The following STEAP3 variants were observed in gnomAD, a reference collection of about 807,000 sequenced individuals.
The protein encoded by STEAP3 is STEAP3 metalloreductase.
Under a neutral mutation model 34.9 loss-of-function variants are expected in STEAP3, and 35 were observed. The ratio of observed to expected loss-of-function variants is 1.00; its 90% CI spans 0.76 to 1.33. STEAP3 has a LOEUF of 1.33. STEAP3 is among the 40% of genes most tolerant of loss of function. The pLI, the probability that STEAP3 is intolerant of heterozygous loss-of-function variation, is 0.00. For synonymous variants in STEAP3, 281 were observed against 301.6 expected, an observed-to-expected ratio of 0.93 and a Z score of 0.71; for missense variants, 652 against 667.6, an observed-to-expected ratio of 0.98 and a Z score of 0.26.
In STEAP3 at chr2:119,245,518, C is replaced by G. The variant is rs141284145; in HGVS notation, c.52C>G (p.Pro18Ala). The G allele has an allele frequency of 1.3e-6, 2 of 1,591,962 alleles. No homozygotes were observed. Among genetic ancestry groups the G allele is most frequent in the Non-Finnish European group, 1.7e-6 (2 of 1,162,844 alleles). The change falls in exon 3 of 6, where the codon CCA (proline) becomes GCA (alanine). Residue 18 changes from proline to alanine, a missense_variant. By Grantham distance (27) the Pro-to-Ala change is conservative (BLOSUM62 -1). Transcript: ENST00000393110. ...CAAAATGCCAGAAGAGATGGACAAG[C>G]CACTGATCAGCCTCCACCTGGTGGA... ...ATKMPEEMDK[P>A]LISLHLVDSD...
At chr2:119,235,767 A>G (rs1677076200) in intron 2 of STEAP3, among the ~76,000 whole-genome samples, 1 of 152,214 alleles carries the variant, frequency 6.6e-6, no homozygotes, top group African/African-American at 2.4e-5. Flanking sequence ...ATGGAGGCAG[A>G]GGAGCAGTTG....
chr2:119,244,836 G>A (rs929373770), intron 2 of STEAP3: 1 of 152,256 alleles, frequency 6.6e-6, no homozygotes, highest in African/African-American at 2.4e-5. Flanking sequence ...CCATTCACTT[G>A]TCTCTCAGTC....
intron 3 of STEAP3, among the ~76,000 whole-genome samples, chr2:119,247,455 C>A (rs939475595): frequency 6.6e-6 from 1 of 152,204 alleles, no homozygotes; most frequent in Non-Finnish European, 1.5e-5. Context: ...GAGTAGTTGG[C>A]CTGGCTTGGC....
intron 5 of STEAP3, among the ~76,000 whole-genome samples, chr2:119,258,444 C>T (rs968851440): frequency 3.3e-5 from 5 of 152,098 alleles, no homozygotes; most frequent in Non-Finnish European, 7.4e-5. Flanking sequence ...CAGGTGAAGT[C>T]TCTCTGGTTT....
chr2:119,248,040 G>A lies in STEAP3; in HGVS notation c.884G>A (p.Gly295Asp). The change falls in exon 4 of 6, where the codon GGC (glycine) becomes GAC (aspartate). Residue 295 changes from glycine (G) to aspartate (D), a missense_variant. Physicochemically the swap from Gly to Asp is moderately conservative, Grantham distance 94. Coordinates refer to ENST00000393110, the MANE Select transcript of STEAP3 (RefSeq NM_182915.3). ...GCGGCTGCCCTGCAGCTGCGGCGCG[G>A]CACCAAGTACCAGCGCTTCCCCGAC... Reference protein sequence around the residue: ...VLAAALQLRRGTKYQRFPDWL... With the variant: ...VLAAALQLRRDTKYQRFPDWL... The A allele has an allele frequency of 3.1e-6, 5 of 1,609,150 alleles. No individual in the cohort carries two copies. The highest frequency in any genetic ancestry group is 4.2e-6 in the Non-Finnish European group (5 of 1,179,880).
Position 119,264,810 on chromosome 2 carries a change from C to G in STEAP3, c.*1472C>G, listed in dbSNP as rs76738995. The G allele has an allele frequency of 0.081, 10,306 of 128,012 alleles. 433 individuals are homozygous for G. The highest frequency in any genetic ancestry group is 0.22 in the South Asian group (763 of 3,436). The allele number at this position is 128,012 out of a possible 1,614,324, so 7.9% of individuals were successfully genotyped here. On this transcript the variant is annotated 3_prime_UTR_variant, in exon 6 of 6. Coordinates refer to ENST00000393110, the MANE Select transcript of STEAP3 (RefSeq NM_182915.3). ...ACAGATGAGGCTGCCCCTGCCCCCC[C>G]CCCGCCAGGGAGGTTTCATGAGCTC... is the stretch of plus-strand genomic sequence containing the variant.
intron 2 of STEAP3, among the ~76,000 whole-genome samples, chr2:119,240,334 C>T (rs1333898951): frequency 1.3e-5 from 2 of 152,280 alleles, no homozygotes; most frequent in Admixed American, 6.5e-5. Flanking sequence ...GCGTGCGAGG[C>T]ACCCCGTTCT....
chr2:119,257,676 G>A, intron 5 of STEAP3: 2 of 1,420,970 alleles, frequency 1.4e-6, no homozygotes, highest in Non-Finnish European at 9.2e-7. Flanking sequence ...ACAGTGGCAT[G>A]CTGGCTTTTG....
chr2:119,257,399 G>A, intron 5 of STEAP3: 1 of 1,408,900 alleles, frequency 7.1e-7, no homozygotes, highest in Non-Finnish European at 9.3e-7. Flanking sequence ...GCTGAGGGAT[G>A]GCTCTGGCAA....
chr2:119,235,464 A>G (rs1677068217), intron 2 of STEAP3, among the ~76,000 whole-genome samples: 1 of 152,206 alleles, frequency 6.6e-6, no homozygotes, highest in Admixed American at 6.5e-5. Context: ...GTGAGTGGTT[A>G]GTTCATTGAC....
At chr2:119,249,228 T>C (rs1677549265) in intron 4 of STEAP3, among the ~76,000 whole-genome samples, 1 of 152,034 alleles carries the variant, frequency 6.6e-6, no homozygotes, top group Non-Finnish European at 1.5e-5. Flanking sequence ...GGGGCTTGGT[T>C]GCCAGCAGGG....
intron 2 of STEAP3, among the ~76,000 whole-genome samples, chr2:119,232,039 G>C (rs988903868): frequency 6.6e-6 from 1 of 152,198 alleles, no homozygotes; most frequent in Non-Finnish European, 1.5e-5. Context: ...ATAGGGGGCA[G>C]CCCTGGATTT....
At position 119,264,803 on chromosome 2, in the gene STEAP3, GC is replaced by G. The variant is rs138092238; in HGVS notation, c.*1475del. 4,545 of 128,134 alleles carry G rather than the reference GC, an allele frequency of 0.035. 259 individuals carry two copies. Among genetic ancestry groups the G allele is most frequent in the African/African-American group, 0.12 (4,307 of 35,402 alleles). The allele number at this position is 128,134 out of a possible 1,614,324, so 7.9% of individuals were successfully genotyped here. On this transcript the variant is annotated 3_prime_UTR_variant, in exon 6 of 6. Coordinates refer to ENST00000393110, the MANE Select transcript of STEAP3 (RefSeq NM_182915.3). ...GAATGTCACAGATGAGGCTGCCCCT[GC>G]CCCCCCCCCGCCAGGGAGGTTTCAT...
At chr2:119,227,861 G>A (rs1010019475) in intron 1 of STEAP3, among the ~76,000 whole-genome samples, 7 of 137,624 alleles carry the variant, frequency 5.1e-5, no homozygotes, top group African/African-American at 1.1e-4. Context: ...ACAGAATCTC[G>A]CTCTGTCACC....
intron 4 of STEAP3, among the ~76,000 whole-genome samples, chr2:119,252,697 G>T (rs1228242144): frequency 6.6e-6 from 1 of 152,176 alleles, no homozygotes; most frequent in Non-Finnish European, 1.5e-5. Context: ...AGGGAGCTCT[G>T]AGCACAACAC....
chr2:119,247,952 A>C lies in STEAP3; in HGVS notation c.796A>C (p.Asn266His), dbSNP rs756243585. The C allele has an allele frequency of 2.5e-6, 4 of 1,613,602 alleles. No homozygotes were observed. In the South Asian group the frequency reaches 4.4e-5, roughly 18 times the overall value. The change falls in exon 4 of 6, where the codon AAC becomes CAC. Residue 266 changes from asparagine to histidine, a missense_variant. Transcript: ENST00000393110. Reference sequence around the variant, plus strand: ...CTTCAAGCTGCCCGTGTCCGTGGTCAACACCACACTGCCGTGCGTGGCCTA... The same window carrying C: ...CTTCAAGCTGCCCGTGTCCGTGGTCCACACCACACTGCCGTGCGTGGCCTA... ...KFFKLPVSVV[N>H]TTLPCVAYVL...
At chr2:119,258,348 C>T (rs1022422474) in intron 5 of STEAP3, among the ~76,000 whole-genome samples, 18 of 152,116 alleles carry the variant, frequency 1.2e-4, no homozygotes, top group African/African-American at 3.9e-4. Flanking sequence ...GAGCCGACCT[C>T]CTATGTCATC....
At chr2:119,260,317 T>TTC (rs1677902889) in intron 5 of STEAP3, among the ~76,000 whole-genome samples, 2 of 123,874 alleles carry the variant, frequency 1.6e-5, no homozygotes, top group African/African-American at 5.3e-5. Context: ...TTTTTTTTTT[T>TTC]TTCTTTTTTT....
intron 5 of STEAP3, 47 bp from the exon 6 acceptor site, chr2:119,263,010 A>C: frequency 6.3e-7 from 1 of 1,586,914 alleles, no homozygotes; most frequent in Non-Finnish European, 8.5e-7. Flanking sequence ...GGATCACTGC[A>C]TCTGTCATCC....
Sources: allele counts gnomAD v4.1 joint callset (sites outside exome capture counted in the v4.1 genomes callset), GRCh38; gene constraint gnomAD v4.1.1; transcripts MANE v1.5; gene names NCBI Gene and HGNC (gene_info 2026-07-23, HGNC 2026-07-21).